KCNH1: variants seen among roughly 807,000 people sequenced by gnomAD.
KCNH1 encodes the protein voltage-gated delayed rectifier potassium channel KCNH1.
A neutral mutation model predicts 69.2 loss-of-function variants in KCNH1; 27 were observed. That is an observed-to-expected ratio of 0.39 (90% confidence interval 0.29 to 0.54). The LOEUF is 0.54. Ranked by LOEUF, KCNH1 falls within the 20% of genes least tolerant of loss-of-function variation. The pLI is 0.68. For synonymous variants in KCNH1, 456 were observed against 487.7 expected (o/e 0.93, Z 0.86); for missense variants, 798 against 1,261.6 (o/e 0.63, Z 5.57).
chr1:211,039,220 G>C (rs1689949882), intron 5 of KCNH1, among the ~76,000 whole-genome samples: 1 of 152,222 alleles, frequency 6.6e-6, no homozygotes, highest in Non-Finnish European at 1.5e-5. Context: ...GCTTCCACAT[G>C]GTGTTGAGCC....
intron 7 of KCNH1, among the ~76,000 whole-genome samples, chr1:210,843,353 A>C (rs1685463794): frequency 6.6e-6 from 1 of 152,106 alleles, no homozygotes; most frequent in South Asian, 2.1e-4. Context: ...GGAATATCCT[A>C]TTGTATAATT....
At chr1:211,063,063 T>G (rs1690459519) in intron 5 of KCNH1, among the ~76,000 whole-genome samples, 1 of 152,194 alleles carries the variant, frequency 6.6e-6, no homozygotes, top group African/African-American at 2.4e-5. Context: ...AACCTAAGTG[T>G]GCATCGATGG....
chr1:210,978,472 C>G (rs905319609), intron 6 of KCNH1, among the ~76,000 whole-genome samples: 2 of 152,094 alleles, frequency 1.3e-5, no homozygotes, highest in African/African-American at 2.4e-5. Flanking sequence ...TTTTTTTCCT[C>G]TGAGTGTGAG....
intron 6 of KCNH1, among the ~76,000 whole-genome samples, chr1:210,945,744 G>A (rs1687947979): frequency 6.6e-6 from 1 of 152,184 alleles, no homozygotes; most frequent in Non-Finnish European, 1.5e-5. Flanking sequence ...TTCCACCGCA[G>A]GGCCTTTGCG....
chr1:210,857,117 A>G (rs1685866817), intron 7 of KCNH1, among the ~76,000 whole-genome samples: 1 of 151,872 alleles, frequency 6.6e-6, no homozygotes, highest in African/African-American at 2.4e-5. Flanking sequence ...CAAGACCCTC[A>G]GGTGATCTGT....
At chr1:210,892,695 A>C (rs1574322275) in intron 7 of KCNH1, among the ~76,000 whole-genome samples, 1 of 152,206 alleles carries the variant, frequency 6.6e-6, no homozygotes, top group Non-Finnish European at 1.5e-5. Flanking sequence ...AAGTTTGGAC[A>C]ATAATACAGT....
chr1:210,896,251 AC>A (rs1686864226), intron 7 of KCNH1, among the ~76,000 whole-genome samples: 1 of 152,118 alleles, frequency 6.6e-6, no homozygotes, highest in East Asian at 1.9e-4. Context: ...ACCATTCTAA[AC>A]CATAGGTAAG....
chr1:210,964,281 A>T (rs1688353887), intron 6 of KCNH1, among the ~76,000 whole-genome samples: 2 of 152,216 alleles, frequency 1.3e-5, no homozygotes, highest in Admixed American at 1.3e-4. Context: ...AGAGCTCCTG[A>T]AGGAAGCACT....
intron 7 of KCNH1, chr1:210,859,499 C>A (rs1558500295): frequency 9.4e-6 from 15 of 1,603,428 alleles, no homozygotes; most frequent in South Asian, 8.8e-5. Flanking sequence ...TCTTCCCAAT[C>A]TTCATCATCT....
intron 1 of KCNH1, among the ~76,000 whole-genome samples, chr1:211,118,484 C>G (rs906257801): frequency 2.0e-5 from 3 of 152,242 alleles, no homozygotes; most frequent in Non-Finnish European, 2.9e-5. Flanking sequence ...CTGCCGCCTT[C>G]TGATGCTTTT....
intron 10 of KCNH1, among the ~76,000 whole-genome samples, chr1:210,688,771 C>T (rs543913036): frequency 2.6e-5 from 4 of 152,318 alleles, no homozygotes; most frequent in Admixed American, 2.6e-4. Context: ...TGGCTCTTGC[C>T]TTCTTTTTTC....
chr1:210,982,472 A>C (rs944587167), intron 6 of KCNH1, among the ~76,000 whole-genome samples: 5 of 151,128 alleles, frequency 3.3e-5, no homozygotes, highest in African/African-American at 1.2e-4. Context: ...TCCTGTGTCC[A>C]TGTCTTCTCA....
intron 6 of KCNH1, among the ~76,000 whole-genome samples, chr1:211,014,542 A>C (rs2102410460): frequency 6.6e-6 from 1 of 152,320 alleles, no homozygotes; most frequent in East Asian, 1.9e-4. Flanking sequence ...GGCTGAATTC[A>C]TAATTGCAGG....
intron 1 of KCNH1, among the ~76,000 whole-genome samples, chr1:211,112,516 A>AAAAAAAAC (rs1553380937): frequency 1.3e-3 from 190 of 145,384 alleles, no homozygotes; most frequent in Non-Finnish European, 1.5e-3. Flanking sequence ...AAAAAAAAAA[A>AAAAAAAAC]AAAAAAACAA....
chr1:210,803,857 A>T, intron 8 of KCNH1, 110 bp downstream of exon 8: 1 of 930,536 alleles, frequency 1.1e-6, no homozygotes, highest in Non-Finnish European at 1.7e-6. Flanking sequence ...AAAGTACTCA[A>T]GTGAATTCTG....
chr1:211,001,366 C>T (rs1173792781), intron 6 of KCNH1, among the ~76,000 whole-genome samples: 2 of 152,180 alleles, frequency 1.3e-5, no homozygotes, highest in Non-Finnish European at 2.9e-5. Flanking sequence ...TATGAACAGA[C>T]ACTTCTCAAA....
intron 6 of KCNH1, among the ~76,000 whole-genome samples, chr1:210,940,693 C>T (rs1687861673): frequency 6.6e-6 from 1 of 152,164 alleles, no homozygotes; most frequent in African/African-American, 2.4e-5. Flanking sequence ...TTCTAGAGGC[C>T]TGAAAACTGA....
intron 6 of KCNH1, among the ~76,000 whole-genome samples, chr1:210,943,020 G>T (rs1687900349): frequency 6.6e-6 from 1 of 152,132 alleles, no homozygotes; most frequent in Non-Finnish European, 1.5e-5. Context: ...CTTGCAATGT[G>T]CCAAGCAGTC....
intron 9 of KCNH1, among the ~76,000 whole-genome samples, chr1:210,789,217 T>C (rs1168928269): frequency 6.6e-6 from 1 of 152,220 alleles, no homozygotes; most frequent in Non-Finnish European, 1.5e-5. Context: ...ACCACAGTGA[T>C]GGCAGTGCAG....
Sources: allele counts gnomAD v4.1 joint callset (sites outside exome capture counted in the v4.1 genomes callset), GRCh38; gene constraint gnomAD v4.1.1; transcripts MANE v1.5; gene names NCBI Gene and HGNC (gene_info 2026-07-23, HGNC 2026-07-21).